The following SLC71A2 variants were observed in gnomAD, a reference collection of about 807,000 sequenced individuals.
The protein encoded by SLC71A2 is solute carrier family 71 member 2.
At chr9:94,444,968 C>T in the SLC71A2 span, 1 of 1,613,632 alleles carries the variant, frequency 6.2e-7, no homozygotes, top group Non-Finnish European at 8.5e-7. Context: ...CCACAGGTCT[C>T]AGCCACCTTT....
the SLC71A2 span, chr9:94,451,400 T>C: frequency 1.2e-6 from 1 of 855,268 alleles, no homozygotes. Context: ...AACATAATAT[T>C]TCTTATTATT....
chr9:94,426,678 T>C, the SLC71A2 span, among the ~76,000 whole-genome samples: 2 of 152,234 alleles, frequency 1.3e-5, no homozygotes, highest in African/African-American at 4.8e-5. Context: ...CTTAAAACTT[T>C]ATAGTTATTG....
chr9:94,455,378 A>ATTTTTTTTTTTTTTTTTTTT, the SLC71A2 span, among the ~76,000 whole-genome samples: 37 of 85,776 alleles, frequency 4.3e-4, no homozygotes, highest in Non-Finnish European at 6.2e-4. Context: ...TAATATTCTG[A>ATTTTTTTTTTTTTTTTTTTT]TTTTTTTTTT....
At chr9:94,453,514 T>G in the SLC71A2 span, among the ~76,000 whole-genome samples, 1 of 152,356 alleles carries the variant, frequency 6.6e-6, no homozygotes, top group Non-Finnish European at 1.5e-5. Flanking sequence ...GCAGAGTATA[T>G]ATTTGTTAAA....
chr9:94,381,870 C>T, the SLC71A2 span, among the ~76,000 whole-genome samples: 1 of 152,192 alleles, frequency 6.6e-6, no homozygotes, highest in African/African-American at 2.4e-5. Context: ...TACAGTTGTA[C>T]ATTGCAGCTA....
the SLC71A2 span, among the ~76,000 whole-genome samples, chr9:94,445,917 C>T: frequency 6.6e-6 from 1 of 152,182 alleles, no homozygotes; most frequent in African/African-American, 2.4e-5. Context: ...GGGATCCTGC[C>T]TGTTCTATTA....
chr9:94,391,451 G>T, the SLC71A2 span, among the ~76,000 whole-genome samples: 17 of 151,474 alleles, frequency 1.1e-4, no homozygotes, highest in Non-Finnish European at 2.1e-4. Flanking sequence ...TGAATTTTGG[G>T]GAATGAGAAA....
the SLC71A2 span, chr9:94,438,388 G>A: frequency 1.2e-6 from 2 of 1,614,010 alleles, no homozygotes; most frequent in Non-Finnish European, 1.7e-6. Context: ...CTTTGCTTTG[G>A]TTTCCTCTCC....
the SLC71A2 span, among the ~76,000 whole-genome samples, chr9:94,422,321 TA>T: frequency 5.3e-5 from 8 of 152,210 alleles, no homozygotes; most frequent in African/African-American, 1.9e-4. Context: ...TTTGCTGTAA[TA>T]AACTGTAAGT....
chr9:94,459,442 C>T, the SLC71A2 span: 1 of 1,610,148 alleles, frequency 6.2e-7, no homozygotes, highest in Non-Finnish European at 8.5e-7. Context: ...TCTGCATACG[C>T]CATCTCTGAG....
At chr9:94,456,365 T>C in the SLC71A2 span, 3 of 1,583,942 alleles carry the variant, frequency 1.9e-6, no homozygotes, top group African/African-American at 4.0e-5. Context: ...CACTTGTTTT[T>C]CTCCTTCAAC....
At chr9:94,395,610 A>G in the SLC71A2 span, among the ~76,000 whole-genome samples, 1 of 152,208 alleles carries the variant, frequency 6.6e-6, no homozygotes, top group Non-Finnish European at 1.5e-5. Context: ...GCATATCATT[A>G]CACAGCAGTG....
the SLC71A2 span, among the ~76,000 whole-genome samples, chr9:94,411,593 A>ATTT: frequency 2.1e-5 from 3 of 140,558 alleles, no homozygotes; most frequent in Non-Finnish European, 3.1e-5. Context: ...TCGTTAGCCG[A>ATTT]TTTTTTTTTT....
chr9:94,380,862 T>A, the SLC71A2 span, among the ~76,000 whole-genome samples: 2 of 80,320 alleles, frequency 2.5e-5, 1 homozygote, highest in South Asian at 9.1e-4. Context: ...ACTGTGTGTT[T>A]GGAGTGCACA....
chr9:94,456,378 G>T, the SLC71A2 span: 6 of 1,509,020 alleles, frequency 4.0e-6, no homozygotes, highest in African/African-American at 1.4e-5. Flanking sequence ...CCTTCAACGG[G>T]AGACCTCCCT....
chr9:94,384,461 T>C, the SLC71A2 span, among the ~76,000 whole-genome samples: 1 of 150,328 alleles, frequency 6.7e-6, no homozygotes, highest in Admixed American at 6.7e-5. Flanking sequence ...CACCTCAGCC[T>C]CCCAAGTAGC....
the SLC71A2 span, chr9:94,458,239 G>A: frequency 8.1e-7 from 1 of 1,239,326 alleles, no homozygotes. Context: ...AGTGTATCAT[G>A]GTTATGAGAA....
the SLC71A2 span, among the ~76,000 whole-genome samples, chr9:94,423,309 T>C: frequency 1.1e-5 from 1 of 94,602 alleles, no homozygotes; most frequent in Non-Finnish European, 2.0e-5. Context: ...ATTTTTATTA[T>C]AAATTTCAGG....
chr9:94,438,768 A>G, the SLC71A2 span, among the ~76,000 whole-genome samples: 6 of 152,210 alleles, frequency 3.9e-5, no homozygotes, highest in African/African-American at 1.4e-4. Context: ...AGAAGTAGAA[A>G]TAAAAGATGC....
Sources: allele counts gnomAD v4.1 joint callset (sites outside exome capture counted in the v4.1 genomes callset), GRCh38; gene constraint gnomAD v4.1.1; transcripts MANE v1.5; gene names NCBI Gene and HGNC (gene_info 2026-07-23, HGNC 2026-07-21).